SNX29: variants seen among roughly 807,000 people sequenced by gnomAD.
SNX29 encodes sorting nexin 29.
A neutral mutation model predicts 102.1 loss-of-function variants in SNX29; 78 were observed. The ratio of observed to expected loss-of-function variants is 0.76; its 90% CI spans 0.64 to 0.92. The LOEUF (loss-of-function observed/expected upper bound fraction) is 0.92, where lower values mean the gene tolerates loss of function less well. Ranked by LOEUF, SNX29 falls within the 40% of genes least tolerant of loss-of-function variation. The pLI, the probability that SNX29 is intolerant of heterozygous loss-of-function variation, is 0.00. For synonymous variants in SNX29, 580 were observed against 414.5 expected, an observed-to-expected ratio of 1.40 and a Z score of -4.85; for missense variants, 1,280 against 1,061.7, an observed-to-expected ratio of 1.21 and a Z score of -2.86.
chr16:12,051,332 T>TAAA (rs372899414), intron 7 of SNX29, among the ~76,000 whole-genome samples: 102 of 138,192 alleles, frequency 7.4e-4, no homozygotes, highest in East Asian at 4.5e-3. Flanking sequence ...CCCCAACTCT[T>TAAA]AAAAAAAAAA....
chr16:12,177,398 T>C (rs1214303161), intron 13 of SNX29, among the ~76,000 whole-genome samples: 3 of 152,240 alleles, frequency 2.0e-5, no homozygotes, highest in African/African-American at 4.8e-5. Context: ...ATGCCAGTTA[T>C]ATGATTTTTA....
intron 20 of SNX29, among the ~76,000 whole-genome samples, chr16:12,558,448 C>T (rs1051482094): frequency 2.0e-5 from 3 of 152,210 alleles, no homozygotes; most frequent in African/African-American, 4.8e-5. Context: ...TGGTAGACTT[C>T]TGTATGAACT....
At chr16:12,255,965 T>C (rs781011715) in intron 14 of SNX29, among the ~76,000 whole-genome samples, 2 of 152,238 alleles carry the variant, frequency 1.3e-5, no homozygotes, top group Non-Finnish European at 2.9e-5. Context: ...CTGTTTTCCA[T>C]AACGGCTGTA....
chr16:12,205,238 T>C (rs1375911338), intron 14 of SNX29, among the ~76,000 whole-genome samples: 1 of 152,226 alleles, frequency 6.6e-6, no homozygotes, highest in Non-Finnish European at 1.5e-5. Flanking sequence ...CACGGCCTGC[T>C]GTTTCCACTC....
intron 15 of SNX29, among the ~76,000 whole-genome samples, chr16:12,338,328 C>T (rs1423436866): frequency 6.6e-6 from 1 of 152,074 alleles, no homozygotes; most frequent in Non-Finnish European, 1.5e-5. Flanking sequence ...GTTCAGAACC[C>T]TGGGGATGTT....
intron 11 of SNX29, among the ~76,000 whole-genome samples, chr16:12,119,671 C>T (rs941851769): frequency 2.0e-5 from 3 of 152,234 alleles, no homozygotes; most frequent in Non-Finnish European, 4.4e-5. Context: ...AGTCCTGAGG[C>T]TGTGCGCTGC....
chr16:12,574,140 T>A lies in SNX29; in HGVS notation c.*5511T>A, dbSNP rs1429458482. The A allele has an allele frequency of 1.1e-5, 2 of 182,852 alleles. No homozygotes were observed. The highest frequency in any genetic ancestry group is 6.3e-5 in the Admixed American group (1 of 15,980). The allele number at this position is 182,852 out of a possible 1,614,324, so 11.3% of individuals were successfully genotyped here. On this transcript the variant is annotated 3_prime_UTR_variant, in exon 21 of 21. Coordinates refer to ENST00000566228, the MANE Select transcript of SNX29 (RefSeq NM_032167.5). Reference sequence around the variant, plus strand: ...ATGTTAAGGTTTACATAATAGGATTTTTAAACAAATGTGTTTAATTTTTTA... The same window carrying A: ...ATGTTAAGGTTTACATAATAGGATTATTAAACAAATGTGTTTAATTTTTTA...
At chr16:12,490,353 C>G (rs1026524036) in intron 19 of SNX29, among the ~76,000 whole-genome samples, 30 of 152,182 alleles carry the variant, frequency 2.0e-4, no homozygotes, top group Non-Finnish European at 1.8e-4. Context: ...CTGTGAGCTT[C>G]CTCCATGTTG....
At chr16:12,517,304 G>A (rs2089909154) in intron 19 of SNX29, among the ~76,000 whole-genome samples, 1 of 152,198 alleles carries the variant, frequency 6.6e-6, no homozygotes, top group Non-Finnish European at 1.5e-5. Flanking sequence ...CCCTTTAAGA[G>A]CTGGACATTC....
intron 16 of SNX29, among the ~76,000 whole-genome samples, chr16:12,357,498 C>G (rs140546983): frequency 6.6e-6 from 1 of 152,304 alleles, no homozygotes; most frequent in African/African-American, 2.4e-5. Flanking sequence ...TAATATGTCT[C>G]TATGTTGCTT....
chr16:12,438,160 T>C (rs189440030), intron 18 of SNX29, among the ~76,000 whole-genome samples: 2 of 152,148 alleles, frequency 1.3e-5, no homozygotes, highest in East Asian at 1.9e-4. Flanking sequence ...TAGGGGGGCA[T>C]CTCTGGACTA....
chr16:12,259,751 G>C (rs376853914), intron 14 of SNX29, among the ~76,000 whole-genome samples: 5 of 152,078 alleles, frequency 3.3e-5, no homozygotes, highest in Admixed American at 6.6e-5. Flanking sequence ...CACGGAATTC[G>C]TTTCTGGGAA....
chr16:12,560,247 G>A (rs368920563), intron 20 of SNX29, among the ~76,000 whole-genome samples: 51 of 151,128 alleles, frequency 3.4e-4, no homozygotes, highest in African/African-American at 1.0e-3. Flanking sequence ...AAAGCCTGAA[G>A]CTTAAAAATA....
chr16:11,997,328 G>T (rs985457633), intron 1 of SNX29, among the ~76,000 whole-genome samples: 1 of 152,104 alleles, frequency 6.6e-6, no homozygotes, highest in African/African-American at 2.4e-5. Context: ...TTCATAGAGG[G>T]CTCAGCTCAA....
intron 15 of SNX29, among the ~76,000 whole-genome samples, chr16:12,310,192 C>T (rs1197750678): frequency 1.3e-5 from 2 of 152,222 alleles, no homozygotes; most frequent in African/African-American, 4.8e-5. Context: ...AAAGTTCTCT[C>T]ATGTCAGAGA....
intron 18 of SNX29, among the ~76,000 whole-genome samples, chr16:12,424,245 C>T (rs1415127332): frequency 6.6e-6 from 1 of 152,222 alleles, no homozygotes; most frequent in African/African-American, 2.4e-5. Context: ...GAGTGTGGGT[C>T]TGTCTAGGGT....
intron 14 of SNX29, among the ~76,000 whole-genome samples, chr16:12,207,092 A>C (rs931896693): frequency 6.6e-6 from 1 of 152,062 alleles, no homozygotes; most frequent in African/African-American, 2.4e-5. Flanking sequence ...GGCTAGGCCA[A>C]GCGCGGTTGC....
At chr16:12,558,191 A>G (rs1038511529) in intron 20 of SNX29, among the ~76,000 whole-genome samples, 3 of 150,450 alleles carry the variant, frequency 2.0e-5, no homozygotes, top group Non-Finnish European at 4.4e-5. Context: ...TTTAATAATT[A>G]CGGTTTACTC....
At chr16:12,353,014 G>A (rs895545230) in intron 15 of SNX29, among the ~76,000 whole-genome samples, 1 of 152,126 alleles carries the variant, frequency 6.6e-6, no homozygotes, top group Non-Finnish European at 1.5e-5. Context: ...AGGCTGCCTG[G>A]CATGTCCCAA....
Sources: allele counts gnomAD v4.1 joint callset (sites outside exome capture counted in the v4.1 genomes callset), GRCh38; gene constraint gnomAD v4.1.1; transcripts MANE v1.5; gene names NCBI Gene and HGNC (gene_info 2026-07-23, HGNC 2026-07-21).